KCNB2: variants seen among roughly 807,000 people sequenced by gnomAD.
KCNB2 encodes potassium voltage-gated channel subfamily B member 2, also known as delayed rectifier potassium channel protein.
In KCNB2, 15 loss-of-function variants were observed where a neutral mutation model predicts 61.5. That is an observed-to-expected ratio of 0.24 (90% confidence interval 0.16 to 0.38). The LOEUF (loss-of-function observed/expected upper bound fraction) is 0.38, where lower values mean the gene tolerates loss of function less well. Ranked by LOEUF, KCNB2 falls within the 10% of genes least tolerant of loss-of-function variation. KCNB2 has a pLI of 1.00. For synonymous variants in KCNB2, 457 were observed against 446.0 expected (o/e 1.02, Z -0.31); for missense variants, 828 against 1,125.2 (o/e 0.74, Z 3.78).
chr8:72,934,913 G>C (rs1359835349), intron 2 of KCNB2, among the ~76,000 whole-genome samples: 1 of 151,998 alleles, frequency 6.6e-6, no homozygotes, highest in African/African-American at 2.4e-5. Context: ...GGCTATCTAT[G>C]TCCTATATGG....
intron 2 of KCNB2, among the ~76,000 whole-genome samples, chr8:72,689,417 C>A (rs1038548822): frequency 2.6e-5 from 4 of 152,160 alleles, no homozygotes; most frequent in African/African-American, 9.7e-5. Context: ...ATTTACAAAT[C>A]ATAAAATTCA....
chr8:72,607,708 C>T (rs1408194234), intron 2 of KCNB2, among the ~76,000 whole-genome samples: 2 of 152,116 alleles, frequency 1.3e-5, no homozygotes, highest in Non-Finnish European at 2.9e-5. Flanking sequence ...AAAATTTTAT[C>T]ATTTCCATAT....
intron 2 of KCNB2, among the ~76,000 whole-genome samples, chr8:72,817,490 C>T (rs886497467): frequency 3.3e-5 from 5 of 152,102 alleles, no homozygotes; most frequent in African/African-American, 1.2e-4. Flanking sequence ...AATATTATCT[C>T]GGATTTTGGT....
chr8:72,843,435 GTAGATGTC>G (rs1266426059), intron 2 of KCNB2, among the ~76,000 whole-genome samples: 1 of 152,010 alleles, frequency 6.6e-6, no homozygotes, highest in African/African-American at 2.4e-5. Context: ...GGAGAGTTCT[GTAGATGTC>G]TATTAGGTCT....
At chr8:72,556,234 A>C (rs1585749043) in intron 1 of KCNB2, among the ~76,000 whole-genome samples, 1 of 152,172 alleles carries the variant, frequency 6.6e-6, no homozygotes, top group Non-Finnish European at 1.5e-5. Flanking sequence ...TTGCTGAATT[A>C]TATTTCTAGC....
intron 2 of KCNB2, among the ~76,000 whole-genome samples, chr8:72,686,427 C>A (rs1806854977): frequency 6.6e-6 from 1 of 152,030 alleles, no homozygotes; most frequent in Non-Finnish European, 1.5e-5. Flanking sequence ...AGCTTACTGG[C>A]CCCTCTGACT....
intron 2 of KCNB2, among the ~76,000 whole-genome samples, chr8:72,653,192 T>C (rs892740762): frequency 6.6e-6 from 1 of 152,216 alleles, no homozygotes; most frequent in Non-Finnish European, 1.5e-5. Flanking sequence ...TAAAGATTCT[T>C]ATTCCATTAA....
intron 2 of KCNB2, among the ~76,000 whole-genome samples, chr8:72,636,400 C>G (rs549534645): frequency 6.6e-6 from 1 of 152,080 alleles, no homozygotes; most frequent in Non-Finnish European, 1.5e-5. Flanking sequence ...TATTTGCAGA[C>G]AAGTGTCCAT....
At chr8:72,792,626 C>A (rs375982906) in intron 2 of KCNB2, among the ~76,000 whole-genome samples, 2 of 152,140 alleles carry the variant, frequency 1.3e-5, no homozygotes, top group South Asian at 4.1e-4. Flanking sequence ...CTCAGATATT[C>A]TATTTTAATT....
chr8:72,590,244 A>G (rs1807073415), intron 2 of KCNB2, among the ~76,000 whole-genome samples: 2 of 152,172 alleles, frequency 1.3e-5, no homozygotes, highest in South Asian at 2.1e-4. Flanking sequence ...GCAAGGATAT[A>G]TATGTATACC....
chr8:72,586,577 A>G (rs1807004043), intron 2 of KCNB2, among the ~76,000 whole-genome samples: 1 of 152,228 alleles, frequency 6.6e-6, no homozygotes, highest in Admixed American at 6.5e-5. Flanking sequence ...ACAGACAAGC[A>G]TTAATTGTCT....
chr8:72,726,200 C>G lies in KCNB2; in HGVS notation c.579+157887C>G, dbSNP rs370507769. Among the ~76,000 whole-genome samples, 87 of 152,302 alleles carry G rather than the reference C, an allele frequency of 5.7e-4. 1 individual carries two copies. The South Asian group carries it at 0.017, about 30-fold the overall frequency. On this transcript the variant is annotated intron_variant, in intron 2 of 2. Coordinates refer to ENST00000523207, the MANE Select transcript of KCNB2 (RefSeq NM_004770.3). ...CCTTGTAAGAAGAGACACCAGAGAG[C>G]TTGCTCTCTATCTCATCCTGCCATG... is the stretch of plus-strand genomic sequence containing the variant.
chr8:72,772,239 C>T (rs753395620), intron 2 of KCNB2, among the ~76,000 whole-genome samples: 17 of 152,244 alleles, frequency 1.1e-4, no homozygotes, highest in Admixed American at 3.9e-4. Flanking sequence ...TACCCACAGG[C>T]GTGAGTTAAG....
intron 2 of KCNB2, among the ~76,000 whole-genome samples, chr8:72,643,968 T>G (rs899169876): frequency 1.3e-5 from 2 of 152,132 alleles, no homozygotes; most frequent in African/African-American, 4.8e-5. Context: ...TCAAAGGAAA[T>G]AACTTTTGTT....
chr8:72,911,968 T>C (rs770570214), intron 2 of KCNB2, among the ~76,000 whole-genome samples: 8 of 152,214 alleles, frequency 5.3e-5, no homozygotes, highest in Non-Finnish European at 7.3e-5. Context: ...CCAAGGGTAA[T>C]AATGGTACCA....
chr8:72,932,755 A>C (rs572844395), intron 2 of KCNB2, among the ~76,000 whole-genome samples: 1 of 152,204 alleles, frequency 6.6e-6, no homozygotes, highest in Non-Finnish European at 1.5e-5. Flanking sequence ...CATAAGTGCC[A>C]TAAGAGCTTG....
chr8:72,572,258 G>A (rs1000513080), intron 2 of KCNB2, among the ~76,000 whole-genome samples: 1 of 152,188 alleles, frequency 6.6e-6, no homozygotes, highest in Non-Finnish European at 1.5e-5. Context: ...AAGAGCATAA[G>A]TGGATGTGTG....
At chr8:72,923,750 A>G (rs999226106) in intron 2 of KCNB2, among the ~76,000 whole-genome samples, 2 of 152,210 alleles carry the variant, frequency 1.3e-5, no homozygotes, top group Non-Finnish European at 2.9e-5. Flanking sequence ...GCAATTACAT[A>G]AGAAAGGAGG....
At chr8:72,900,416 C>A (rs899440236) in intron 2 of KCNB2, among the ~76,000 whole-genome samples, 1 of 151,966 alleles carries the variant, frequency 6.6e-6, no homozygotes, top group African/African-American at 2.4e-5. Flanking sequence ...CAGGAAATAC[C>A]CCTCTCAATG....
Sources: allele counts gnomAD v4.1 joint callset (sites outside exome capture counted in the v4.1 genomes callset), GRCh38; gene constraint gnomAD v4.1.1; transcripts MANE v1.5; gene names NCBI Gene and HGNC (gene_info 2026-07-23, HGNC 2026-07-21).